Variants in AP3B1 observed in about 807,000 individuals in gnomAD.
AP3B1 encodes AP-3 complex subunit beta-1.
In AP3B1, 61 loss-of-function variants were observed where a neutral mutation model predicts 132.5. The observed-to-expected ratio is 0.46, with a 90% CI of 0.37 to 0.57. The LOEUF is 0.57. AP3B1 is among the 20% of genes least tolerant of loss of function. The pLI is 0.00. For synonymous variants in AP3B1, 388 were observed against 438.3 expected, an observed-to-expected ratio of 0.89 and a Z score of 1.43; for missense variants, 1,120 against 1,289.4, an observed-to-expected ratio of 0.87 and a Z score of 2.01.
chr5:78,275,813 C>A (rs759199421), intron 1 of AP3B1, among the ~76,000 whole-genome samples: 33 of 151,812 alleles, frequency 2.2e-4, no homozygotes, highest in Non-Finnish European at 3.7e-4. Context: ...ACTGGCAGAA[C>A]CAGGAAACGA....
intron 1 of AP3B1, among the ~76,000 whole-genome samples, chr5:78,287,895 T>C (rs1456167304): frequency 6.6e-6 from 1 of 152,172 alleles, no homozygotes; most frequent in Non-Finnish European, 1.5e-5. Flanking sequence ...CCTGGAATTA[T>C]TAGAACACAA....
intron 24 of AP3B1, among the ~76,000 whole-genome samples, chr5:78,024,420 A>C (rs1747241924): frequency 6.6e-6 from 1 of 151,822 alleles, no homozygotes. Context: ...ACAGGGTCTC[A>C]GCTCTGTCAC....
chr5:78,009,948 C>T (rs1025702063), intron 26 of AP3B1, among the ~76,000 whole-genome samples: 1 of 152,112 alleles, frequency 6.6e-6, no homozygotes, highest in African/African-American at 2.4e-5. Context: ...GGTTAATTTG[C>T]GGTTCATGAA....
chr5:78,090,224 G>T (rs938897619), intron 21 of AP3B1, among the ~76,000 whole-genome samples: 1 of 152,190 alleles, frequency 6.6e-6, no homozygotes, highest in Admixed American at 6.5e-5. Context: ...TTCTACATTT[G>T]ATAAAGTGGA....
Position 78,168,129 on chromosome 5 carries a change from A to G in AP3B1, c.1168-2457T>C, listed in dbSNP as rs60803627. On this transcript the variant is annotated intron_variant, in intron 11 of 26. Transcript: ENST00000255194. ...TTCTGAGTACAAATCATTTATTCAG[A>G]CACATGTATTAGAAATATTTTTCCC... is the stretch of plus-strand genomic sequence containing the variant. Among the ~76,000 whole-genome samples the G allele has an allele frequency of 4.0e-3, 607 of 151,986 alleles. 7 individuals are homozygous for G. The highest frequency in any genetic ancestry group is 0.014 in the African/African-American group (575 of 41,486).
intron 21 of AP3B1, 120 bp from the exon 22 acceptor site, chr5:78,089,619 A>C (rs1311288740): frequency 6.9e-6 from 5 of 728,498 alleles, no homozygotes; most frequent in Non-Finnish European, 1.2e-5. Context: ...AATGTATGAC[A>C]ATTCTATTTA....
chr5:78,108,048 T>A (rs1292445239), intron 20 of AP3B1, among the ~76,000 whole-genome samples: 1 of 152,168 alleles, frequency 6.6e-6, no homozygotes, highest in Admixed American at 6.5e-5. Flanking sequence ...GCTTATCTCA[T>A]AGGACTACCA....
chr5:78,231,614 C>T (rs1007574283), intron 3 of AP3B1, among the ~76,000 whole-genome samples: 4 of 152,036 alleles, frequency 2.6e-5, no homozygotes, highest in African/African-American at 9.7e-5. Context: ...TTATGGACCA[C>T]AAAGGAAAGA....
At chr5:78,210,250 C>T (rs1489318584) in intron 7 of AP3B1, among the ~76,000 whole-genome samples, 1 of 151,970 alleles carries the variant, frequency 6.6e-6, no homozygotes, top group Admixed American at 6.6e-5. Context: ...AATTAAAACT[C>T]AATAATCTCT....
intron 7 of AP3B1, among the ~76,000 whole-genome samples, chr5:78,197,787 G>A (rs114219449): frequency 0.038 from 5,829 of 152,130 alleles, 133 homozygotes; most frequent in Middle Eastern, 0.071. Context: ...AATTGATAAA[G>A]GAATCAAACA....
chr5:78,169,733 GTTTATTTAT>G (rs777957010), intron 11 of AP3B1, among the ~76,000 whole-genome samples: 51 of 151,268 alleles, frequency 3.4e-4, no homozygotes, highest in African/African-American at 6.8e-4. Flanking sequence ...AAGCCCTGAA[GTTTATTTAT>G]TTATTTATTT....
chr5:78,045,498 T>C (rs1260404031), intron 22 of AP3B1, among the ~76,000 whole-genome samples: 1 of 151,860 alleles, frequency 6.6e-6, no homozygotes, highest in Non-Finnish European at 1.5e-5. Flanking sequence ...CTAGATAAAA[T>C]ACATAGGTGA....
intron 3 of AP3B1, among the ~76,000 whole-genome samples, chr5:78,239,909 T>C (rs1561495710): frequency 6.6e-6 from 1 of 152,246 alleles, no homozygotes; most frequent in African/African-American, 2.4e-5. Context: ...TCTTTTTCTC[T>C]GGTTGGTTTT....
At chr5:78,151,304 C>G (rs1429614804) in intron 14 of AP3B1, among the ~76,000 whole-genome samples, 1 of 152,190 alleles carries the variant, frequency 6.6e-6, no homozygotes, top group Non-Finnish European at 1.5e-5. Flanking sequence ...AAGATAATAT[C>G]ATCTGCAAAC....
chr5:78,100,869 T>G, intron 21 of AP3B1, 84 bp downstream of exon 21: 1 of 775,906 alleles, frequency 1.3e-6, no homozygotes, highest in Non-Finnish European at 2.1e-6. Flanking sequence ...TGATATATTT[T>G]GGGACATGTA....
At chr5:78,272,156 T>C (rs1470260347) in intron 1 of AP3B1, among the ~76,000 whole-genome samples, 1 of 152,216 alleles carries the variant, frequency 6.6e-6, no homozygotes, top group Non-Finnish European at 1.5e-5. Context: ...AACTTAACTC[T>C]TTCAAGTAAT....
chr5:78,131,012 AT>A (rs976400060), intron 15 of AP3B1, among the ~76,000 whole-genome samples: 1 of 151,780 alleles, frequency 6.6e-6, no homozygotes, highest in African/African-American at 2.4e-5. Context: ...TAATTTAAAA[AT>A]TTTTATTGAC....
At chr5:78,071,282 A>C (rs1749531003) in intron 22 of AP3B1, among the ~76,000 whole-genome samples, 1 of 152,212 alleles carries the variant, frequency 6.6e-6, no homozygotes, top group South Asian at 2.1e-4. Context: ...GCTGGAAGTT[A>C]TTATCCTCAG....
At chr5:78,097,984 C>A (rs1332114710) in intron 21 of AP3B1, among the ~76,000 whole-genome samples, 2 of 152,136 alleles carry the variant, frequency 1.3e-5, no homozygotes, top group East Asian at 1.9e-4. Flanking sequence ...CCTTACCCCC[C>A]AACCCTGTGC....
Sources: gnomAD v4.1 joint callset for allele counts (sites outside exome capture counted in the v4.1 genomes callset) on GRCh38, gnomAD v4.1.1 for gene constraint, MANE v1.5 for transcripts, NCBI Gene and HGNC (gene_info 2026-07-23, HGNC 2026-07-21) for gene names.